The following TANGO6 variants were observed in gnomAD, a reference collection of about 807,000 sequenced individuals.
The protein encoded by TANGO6 is transport and golgi organization 6 homolog.
TANGO6 carries 90 observed loss-of-function variants against 114.2 expected under a neutral mutation model. The ratio of observed to expected loss-of-function variants is 0.79; its 90% CI spans 0.66 to 0.94. The LOEUF (loss-of-function observed/expected upper bound fraction) is 0.94. TANGO6 is among the 40% of genes least tolerant of loss of function. The pLI is 0.00. For synonymous variants in TANGO6, 477 were observed against 509.8 expected (o/e 0.94, Z 0.87); for missense variants, 1,274 against 1,315.3 (o/e 0.97, Z 0.49).
chr16:69,083,458 G>C, intron 17 of TANGO6, 27 bp from the exon 18 acceptor site: 36 of 1,590,122 alleles, frequency 2.3e-5, no homozygotes, highest in Non-Finnish European at 3.0e-5. Context: ...CAGTAGACAG[G>C]CGGTCATGGC....
intron 14 of TANGO6, among the ~76,000 whole-genome samples, chr16:68,935,368 A>T (rs1963289847): frequency 6.6e-6 from 1 of 152,138 alleles, no homozygotes; most frequent in African/African-American, 2.4e-5. Context: ...TATTTCTTTT[A>T]TAAAGTCTTA....
At position 68,919,940 on chromosome 16, in the gene TANGO6, G is replaced by A. The variant is rs148907149; in HGVS notation, c.2127+721G>A. On this transcript the variant is annotated intron_variant, in intron 12 of 17. Transcript: ENST00000261778. Reference sequence around the variant, plus strand: ...CGGGTGCCTGTAATCCCAGCTACTCGGGAGGCTGAGGCAGGAAAATTGCTT... The same window carrying A: ...CGGGTGCCTGTAATCCCAGCTACTCAGGAGGCTGAGGCAGGAAAATTGCTT... Among the ~76,000 whole-genome samples the A allele has an allele frequency of 7.4e-3, 1,129 of 152,142 alleles. 45 individuals carry two copies. In the East Asian group the frequency reaches 0.11, roughly 15 times the overall value.
intron 15 of TANGO6, among the ~76,000 whole-genome samples, chr16:68,985,225 C>T (rs1393223224): frequency 6.6e-6 from 1 of 152,016 alleles, no homozygotes; most frequent in African/African-American, 2.4e-5. Flanking sequence ...ATGTAACTAC[C>T]TGAATTTATT....
chr16:69,060,241 C>T (rs1201154799), intron 17 of TANGO6, among the ~76,000 whole-genome samples: 3 of 152,100 alleles, frequency 2.0e-5, no homozygotes, highest in African/African-American at 7.2e-5. Flanking sequence ...TGCTCTTGAA[C>T]TCCTGGGCTC....
At chr16:68,891,227 G>A (rs1962611346) in intron 7 of TANGO6, among the ~76,000 whole-genome samples, 1 of 151,098 alleles carries the variant, frequency 6.6e-6, no homozygotes, top group South Asian at 2.1e-4. Flanking sequence ...GGGAGGCGGA[G>A]GTTGCAGTAG....
chr16:68,843,797 G>T, intron 1 of TANGO6, 86 bp downstream of exon 1: 1 of 1,372,416 alleles, frequency 7.3e-7, no homozygotes, highest in South Asian at 1.2e-5. Flanking sequence ...TCCGCAGCGT[G>T]CGCCCCTTAG....
At chr16:68,935,350 A>G (rs533897219) in intron 14 of TANGO6, among the ~76,000 whole-genome samples, 1 of 152,134 alleles carries the variant, frequency 6.6e-6, no homozygotes, top group African/African-American at 2.4e-5. Flanking sequence ...TAATTTATTG[A>G]TGTTTTATAT....
intron 14 of TANGO6, among the ~76,000 whole-genome samples, chr16:68,964,630 G>A (rs542762059): frequency 1.3e-3 from 199 of 147,648 alleles, no homozygotes; most frequent in Non-Finnish European, 2.0e-3. Flanking sequence ...GCAGTGACGC[G>A]ATCTTGGCTC....
chr16:69,037,187 A>C (rs1283665519), intron 16 of TANGO6, among the ~76,000 whole-genome samples: 3 of 151,266 alleles, frequency 2.0e-5, no homozygotes, highest in Admixed American at 1.3e-4. Context: ...GCCCTTTTCC[A>C]GGCAGGATGC....
chr16:69,032,902 G>A (rs1403206680), intron 16 of TANGO6, among the ~76,000 whole-genome samples: 1 of 141,440 alleles, frequency 7.1e-6, no homozygotes, highest in Non-Finnish European at 1.5e-5. Context: ...GAAAGTTACT[G>A]TTGGCAGGCG....
chr16:68,894,249 G>A (rs17690758), intron 7 of TANGO6, among the ~76,000 whole-genome samples: 12,874 of 152,144 alleles, frequency 0.085, 552 homozygotes, highest in Middle Eastern at 0.11. Flanking sequence ...ATCAGGGGAC[G>A]ATAAGAGGGA....
intron 15 of TANGO6, among the ~76,000 whole-genome samples, chr16:68,997,467 T>C (rs1964002336): frequency 6.6e-6 from 1 of 152,240 alleles, no homozygotes; most frequent in Non-Finnish European, 1.5e-5. Flanking sequence ...GTCTGGACAT[T>C]GCTATGGCAT....
chr16:69,049,461 C>G (rs887843369), intron 17 of TANGO6, among the ~76,000 whole-genome samples: 1 of 148,348 alleles, frequency 6.7e-6, no homozygotes, highest in Admixed American at 6.8e-5. Flanking sequence ...GACGAAGTTT[C>G]GCTCTTGTCC....
chr16:68,931,017 T>A (rs1963233140), intron 14 of TANGO6, among the ~76,000 whole-genome samples: 1 of 152,214 alleles, frequency 6.6e-6, no homozygotes, highest in Non-Finnish European at 1.5e-5. Flanking sequence ...TATCAAAAAA[T>A]TTTTTGCAGT....
chr16:68,852,105 T>G (rs1444327712), intron 1 of TANGO6, among the ~76,000 whole-genome samples: 2 of 152,196 alleles, frequency 1.3e-5, no homozygotes, highest in African/African-American at 4.8e-5. Context: ...CAACAACAAT[T>G]TATTAAACAG....
chr16:69,084,112 G>GC lies in TANGO6; in HGVS notation c.*452dup, dbSNP rs1960505385. 6.5e-6 allele frequency: 1 copy of GC among 153,182 alleles called. No homozygotes were observed. The highest frequency in any genetic ancestry group is 1.5e-5 in the Non-Finnish European group (1 of 68,646). 9.5% of individuals were successfully genotyped at this position (153,182 alleles called of 1,614,324 possible). On this transcript the variant is annotated 3_prime_UTR_variant, in exon 18 of 18. Transcript: ENST00000261778. ...GGAGCAGAACTGGCCACCCTTGGCT[G>GC]CTCAAGAGGCATTTCAGAGTAGGAG...
intron 17 of TANGO6, among the ~76,000 whole-genome samples, chr16:69,043,899 G>A (rs922242877): frequency 6.6e-6 from 1 of 152,138 alleles, no homozygotes; most frequent in South Asian, 2.1e-4. Flanking sequence ...GGGCCTCTGT[G>A]GTTGTGGCAG....
chr16:68,918,726 A>T (rs1237171477), intron 11 of TANGO6, among the ~76,000 whole-genome samples: 1 of 152,226 alleles, frequency 6.6e-6, no homozygotes, highest in African/African-American at 2.4e-5. Context: ...TAGAGTTGAT[A>T]TGAGAACTAA....
At chr16:69,026,730 T>G (rs1959508118) in intron 16 of TANGO6, 1 of 152,968 alleles carries the variant, frequency 6.5e-6, no homozygotes, top group Non-Finnish European at 1.5e-5. Context: ...TGTTTGTTTG[T>G]GGTGGAGTCT....
Sources: gnomAD v4.1 joint callset for allele counts (sites outside exome capture counted in the v4.1 genomes callset) on GRCh38, gnomAD v4.1.1 for gene constraint, MANE v1.5 for transcripts, NCBI Gene and HGNC (gene_info 2026-07-23, HGNC 2026-07-21) for gene names.